The following MDGA2 variants were observed in gnomAD, a reference collection of about 807,000 sequenced individuals.
MDGA2 encodes the protein MAM domain-containing glycosylphosphatidylinositol anchor protein 2.
In MDGA2, 40 loss-of-function variants were observed where a neutral mutation model predicts 117.8. The observed-to-expected ratio is 0.34, with a 90% CI of 0.26 to 0.44. The LOEUF is 0.44. MDGA2 is among the 20% of genes least tolerant of loss of function. The probability of loss-of-function intolerance (pLI) is 1.00; values close to 1 mark genes in which losing one functional copy is unlikely to be tolerated. For missense variants in MDGA2, 1,123 were observed against 1,250.6 expected (o/e 0.90, Z 1.54); for synonymous variants, 452 against 439.0 (o/e 1.03, Z -0.37).
chr14:47,111,801 T>C (rs765361378), intron 5 of MDGA2, among the ~76,000 whole-genome samples: 13 of 152,140 alleles, frequency 8.5e-5, no homozygotes. Flanking sequence ...GAACAGTAAA[T>C]GGGGTCACAA....
intron 1 of MDGA2, among the ~76,000 whole-genome samples, chr14:47,666,619 C>G (rs2975306): frequency 6.6e-6 from 1 of 152,180 alleles, no homozygotes; most frequent in Non-Finnish European, 1.5e-5. Flanking sequence ...CCAATCGGCT[C>G]TCTGTAAAAT....
At chr14:47,545,407 T>C (rs780118693) in intron 1 of MDGA2, among the ~76,000 whole-genome samples, 2 of 152,168 alleles carry the variant, frequency 1.3e-5, no homozygotes, top group Non-Finnish European at 2.9e-5. Flanking sequence ...CATGTTTCTA[T>C]AGATCACAAA....
At chr14:47,203,073 A>G (rs1885567390) in intron 3 of MDGA2, among the ~76,000 whole-genome samples, 1 of 151,986 alleles carries the variant, frequency 6.6e-6, no homozygotes, top group Non-Finnish European at 1.5e-5. Context: ...AAGGAGAAGA[A>G]GAGTAAAAGC....
chr14:47,533,375 T>C (rs1385988042), intron 1 of MDGA2, among the ~76,000 whole-genome samples: 1 of 152,232 alleles, frequency 6.6e-6, no homozygotes, highest in African/African-American at 2.4e-5. Context: ...TCCAGCACTG[T>C]GGAAGACCCA....
chr14:47,154,502 G>A (rs1287418106), intron 3 of MDGA2, among the ~76,000 whole-genome samples: 1 of 152,128 alleles, frequency 6.6e-6, no homozygotes, highest in East Asian at 1.9e-4. Flanking sequence ...TGTGCTCTTG[G>A]CCTGTGAAGC....
intron 1 of MDGA2, among the ~76,000 whole-genome samples, chr14:47,535,971 T>C (rs780977343): frequency 1.3e-5 from 2 of 152,224 alleles, no homozygotes; most frequent in Non-Finnish European, 2.9e-5. Context: ...CTTTTACTTC[T>C]TGGAGGAAGA....
At chr14:46,924,535 G>A (rs1595047615) in intron 9 of MDGA2, among the ~76,000 whole-genome samples, 1 of 152,022 alleles carries the variant, frequency 6.6e-6, no homozygotes, top group Non-Finnish European at 1.5e-5. Flanking sequence ...AGGTTTATAG[G>A]ACATGTTTGC....
intron 4 of MDGA2, among the ~76,000 whole-genome samples, chr14:47,132,186 G>C (rs1882237414): frequency 6.6e-6 from 1 of 151,816 alleles, no homozygotes; most frequent in Non-Finnish European, 1.5e-5. Flanking sequence ...GCAAAGATCA[G>C]AGCAGTGTAC....
intron 1 of MDGA2, among the ~76,000 whole-genome samples, chr14:47,533,332 C>T (rs538253085): frequency 3.9e-5 from 6 of 152,330 alleles, no homozygotes; most frequent in Admixed American, 2.0e-4. Flanking sequence ...TCCAGTCTTC[C>T]TTATTCTTGT....
At position 47,412,312 on chromosome 14, in the gene MDGA2, G is replaced by A. The variant is rs180806826; in HGVS notation, c.281-110762C>T. The stretch of plus-strand genomic sequence containing the variant: ...TATTTTTTTCAAGAGATAGGGTCTC[G>A]TTCAGCCACCCAAGCTAGAGTGCAG... On this transcript the variant is annotated intron_variant, in intron 1 of 16. Transcript: ENST00000399232. 2.6e-5 allele frequency among the ~76,000 whole-genome samples: 4 copies of A among 152,056 alleles called. No homozygotes were observed. The East Asian group carries it at 7.7e-4, about 29-fold the overall frequency.
At chr14:46,978,108 C>T (rs1419377032) in intron 8 of MDGA2, among the ~76,000 whole-genome samples, 1 of 151,338 alleles carries the variant, frequency 6.6e-6, no homozygotes, top group Non-Finnish European at 1.5e-5. Flanking sequence ...ATAGTTTCAA[C>T]AAAACAACAA....
At chr14:47,621,584 T>C (rs1367973326) in intron 1 of MDGA2, among the ~76,000 whole-genome samples, 1 of 152,104 alleles carries the variant, frequency 6.6e-6, no homozygotes, top group Non-Finnish European at 1.5e-5. Flanking sequence ...GTATAACACA[T>C]CAAAACATGG....
intron 7 of MDGA2, among the ~76,000 whole-genome samples, chr14:47,036,984 T>C (rs921787779): frequency 5.9e-5 from 9 of 152,210 alleles, no homozygotes; most frequent in East Asian, 3.8e-4. Flanking sequence ...ATCCTAGAAA[T>C]TGACATTAAC....
chr14:47,053,654 T>TACACACACACACAC (rs746996959), intron 7 of MDGA2, among the ~76,000 whole-genome samples: 1 of 67,266 alleles, frequency 1.5e-5, no homozygotes, highest in African/African-American at 5.4e-5. Context: ...TATATATATA[T>TACACACACACACAC]ACACACACAC....
At chr14:47,503,090 T>C (rs1555327910) in intron 1 of MDGA2, among the ~76,000 whole-genome samples, 1 of 152,218 alleles carries the variant, frequency 6.6e-6, no homozygotes, top group Non-Finnish European at 1.5e-5. Flanking sequence ...AAATTCATCC[T>C]TCAAAGTAGC....
At chr14:47,379,911 G>A (rs977556945) in intron 1 of MDGA2, among the ~76,000 whole-genome samples, 1 of 152,162 alleles carries the variant, frequency 6.6e-6, no homozygotes, top group Non-Finnish European at 1.5e-5. Flanking sequence ...CAGGTCAAGA[G>A]AATATACATT....
chr14:47,089,976 T>G (rs1266928966), intron 6 of MDGA2, among the ~76,000 whole-genome samples: 1 of 152,184 alleles, frequency 6.6e-6, no homozygotes, highest in Non-Finnish European at 1.5e-5. Context: ...TGTTAGTTAT[T>G]ACTATTCTCT....
intron 3 of MDGA2, among the ~76,000 whole-genome samples, chr14:47,172,664 A>C (rs1424583335): frequency 6.6e-6 from 1 of 152,094 alleles, no homozygotes; most frequent in African/African-American, 2.4e-5. Context: ...ACCATCATCA[A>C]ACACCAAAAG....
chr14:47,004,825 C>T (rs187729522), intron 8 of MDGA2, among the ~76,000 whole-genome samples: 13 of 151,754 alleles, frequency 8.6e-5, no homozygotes, highest in Admixed American at 8.6e-4. Context: ...GACAATCATA[C>T]AGCATCACAT....
Sources: gnomAD v4.1 joint callset for allele counts (sites outside exome capture counted in the v4.1 genomes callset) on GRCh38, gnomAD v4.1.1 for gene constraint, MANE v1.5 for transcripts, NCBI Gene and HGNC (gene_info 2026-07-23, HGNC 2026-07-21) for gene names.